The following ALKBH5 variants were observed in gnomAD, a reference collection of about 807,000 sequenced individuals.
ALKBH5 encodes alkB homolog 5, RNA demethylase, also known as RNA demethylase ALKBH5.
Under a neutral mutation model 32.1 loss-of-function variants are expected in ALKBH5, and 2 were observed. The observed-to-expected ratio is 0.06, with a 90% CI of 0.03 to 0.20. The LOEUF (loss-of-function observed/expected upper bound fraction) is 0.20. Among genes scored for constraint, ALKBH5 ranks in the 10% least tolerant of loss-of-function variants. The pLI is 1.00. For synonymous variants in ALKBH5, 300 were observed against 231.7 expected, an observed-to-expected ratio of 1.29 and a Z score of -2.68; for missense variants, 352 against 559.5, an observed-to-expected ratio of 0.63 and a Z score of 3.74.
intron 1 of ALKBH5, among the ~76,000 whole-genome samples, chr17:18,190,424 C>T (rs183271907): frequency 5.3e-5 from 8 of 152,038 alleles, no homozygotes; most frequent in African/African-American, 1.2e-4. Flanking sequence ...GTGGCAGGCA[C>T]CTGTAATCCC....
intron 2 of ALKBH5, among the ~76,000 whole-genome samples, chr17:18,201,810 T>TA (rs763578318): frequency 0.011 from 857 of 76,882 alleles, 1 homozygote; most frequent in Middle Eastern, 0.034. Flanking sequence ...GATAGATAGA[T>TA]AGATAGATAG....
At chr17:18,187,533 C>T (rs781380129) in intron 1 of ALKBH5, among the ~76,000 whole-genome samples, 32 of 152,164 alleles carry the variant, frequency 2.1e-4, no homozygotes, top group Non-Finnish European at 4.4e-4. Flanking sequence ...TTTATGACAA[C>T]CAGAAAGTGT....
chr17:18,208,500 TG>T lies in ALKBH5; in HGVS notation c.*105del. On this transcript the variant is annotated 3_prime_UTR_variant, in exon 4 of 4. Coordinates refer to ENST00000399138, the MANE Select transcript of ALKBH5 (RefSeq NM_017758.4). ...TGTTCATTGGGGGGTTTTTGTTTTTTGTTTTTTGTTTTTTTTGATTCTATAT... is the reference window on the plus strand; with the variant it reads ...TGTTCATTGGGGGGTTTTTGTTTTTTTTTTTTGTTTTTTTTGATTCTATAT... The T allele has an allele frequency of 1.5e-6, 2 of 1,315,588 alleles. No homozygotes were observed. The highest frequency in any genetic ancestry group is 2.1e-6 in the Non-Finnish European group (2 of 943,410). 81.5% of individuals were successfully genotyped at this position (1,315,588 alleles called of 1,614,324 possible).
chr17:18,185,110 A>C lies in ALKBH5; in HGVS notation c.770+97A>C, dbSNP rs1462588174. 19 of 1,516,392 alleles carry C rather than the reference A, an allele frequency of 1.3e-5. No individual in the cohort carries two copies. The East Asian group carries it at 4.3e-4, about 34-fold the overall frequency. 93.9% of individuals were successfully genotyped at this position (1,516,392 alleles called of 1,614,324 possible). On this transcript the variant is annotated intron_variant, in intron 1 of 3. Transcript: ENST00000399138. ...CAGCCCGTAGGAGTCTGCGTTTTTTACAGTTCTGACCAGTTCTTCTGTTTG... is the reference window on the plus strand; with the variant it reads ...CAGCCCGTAGGAGTCTGCGTTTTTTCCAGTTCTGACCAGTTCTTCTGTTTG...
intron 1 of ALKBH5, among the ~76,000 whole-genome samples, chr17:18,194,298 C>T (rs1448271262): frequency 7.2e-5 from 11 of 151,996 alleles, no homozygotes; most frequent in East Asian, 1.9e-4. Flanking sequence ...GGATTACAGG[C>T]GCCCACCACC....
At position 18,184,306 on chromosome 17, in the gene ALKBH5, C is replaced by A; in HGVS notation, c.63C>A (p.Asp21Glu). ...REKLKSMTSR[D>E]NYKAGSREAA... ...AGCTCAAGTCCATGACGTCCCGGGA[C>A]AACTATAAGGCGGGCAGCCGGGAGG... The change falls in exon 1 of 4, where the codon GAC (aspartate) becomes GAA (glutamate). Residue 21 changes from aspartate (D) to glutamate (E), a missense_variant. This residue lies in a region of ALKBH5 where 144 missense variants were observed against 125.8 expected (regional missense o/e 1.14). Transcript: ENST00000399138. 1 of 1,527,428 alleles carries A rather than the reference C, an allele frequency of 6.5e-7. No individual in the cohort carries two copies. The highest frequency in any genetic ancestry group is 8.8e-7 in the Non-Finnish European group (1 of 1,140,056). 94.6% of individuals were successfully genotyped at this position (1,527,428 alleles called of 1,614,324 possible).
chr17:18,204,786 G>A (rs888776324), intron 2 of ALKBH5, among the ~76,000 whole-genome samples: 8 of 151,746 alleles, frequency 5.3e-5, no homozygotes, highest in East Asian at 3.9e-4. Context: ...ATCTGGAGCC[G>A]GGCTTGATGG....
chr17:18,185,073 C>G lies in ALKBH5; in HGVS notation c.770+60C>G, dbSNP rs1308299120. ...CTGCTGCCTTAGCTACCCACCCTGG[C>G]CCAGAAAGCAGCAGCCCGTAGGAGT... is the stretch of plus-strand genomic sequence containing the variant. On this transcript the variant is annotated intron_variant, in intron 1 of 3. Coordinates refer to ENST00000399138, the MANE Select transcript of ALKBH5 (RefSeq NM_017758.4). 8 of 1,562,374 alleles carry G rather than the reference C, an allele frequency of 5.1e-6. No homozygotes were observed. In the African/African-American group the frequency reaches 8.1e-5, roughly 16 times the overall value.
chr17:18,188,924 G>A (rs143108960), intron 1 of ALKBH5, among the ~76,000 whole-genome samples: 110 of 152,100 alleles, frequency 7.2e-4, no homozygotes, highest in African/African-American at 2.3e-3. Flanking sequence ...AAAACTAGCC[G>A]GGCATGGTAG....
Position 18,184,042 on chromosome 17 carries a change from G to A in ALKBH5, c.-202G>A, listed in dbSNP as rs1597834371. The A allele has an allele frequency of 3.0e-6, 2 of 676,138 alleles. No homozygotes were observed. Among genetic ancestry groups the A allele is most frequent in the Non-Finnish European group, 5.4e-6 (2 of 373,168 alleles). 41.9% of individuals were successfully genotyped at this position (676,138 alleles called of 1,614,324 possible). A position where few individuals can be genotyped will look rare whatever the true frequency, so the allele number is the denominator to read the frequency against. On this transcript the variant is annotated 5_prime_UTR_variant, in exon 1 of 4. Transcript: ENST00000399138. ...TGGAGGAGGAAGAAGCCCCGTTGTC[G>A]CCACCGTTGCATGACCCGCCGCTCC...
intron 2 of ALKBH5, among the ~76,000 whole-genome samples, chr17:18,199,696 C>T (rs539296324): frequency 6.6e-6 from 1 of 152,242 alleles, no homozygotes; most frequent in East Asian, 1.9e-4. Context: ...AAATTTAGTG[C>T]CCCCTTGGTG....
Position 18,184,450 on chromosome 17 carries a change from C to A in ALKBH5, c.207C>A (p.Ser69Arg). The A allele has an allele frequency of 6.2e-7, 1 of 1,609,840 alleles. No homozygotes were observed. The highest frequency in any genetic ancestry group is 8.5e-7 in the Non-Finnish European group (1 of 1,178,442). Residue 69 changes from serine to arginine, a missense_variant, in exon 1 of 4, where the codon AGC becomes AGA. Ser to Arg is a moderately radical substitution (Grantham distance 110, BLOSUM62 -1). Coordinates refer to ENST00000399138, the MANE Select transcript of ALKBH5 (RefSeq NM_017758.4). ...AGGAGGACTCGGACCCCGAGCGCAG[C>A]GACTATGAGGAGCAGCAGCTGCAGA... ...KYQEDSDPER[S>R]DYEEQQLQKE...
At chr17:18,193,274 G>A (rs563825519) in intron 1 of ALKBH5, among the ~76,000 whole-genome samples, 24 of 152,056 alleles carry the variant, frequency 1.6e-4, no homozygotes, top group South Asian at 4.2e-4. Flanking sequence ...TGGGCCGGGC[G>A]CGGTGGCTCA....
intron 2 of ALKBH5, among the ~76,000 whole-genome samples, chr17:18,197,403 G>A (rs2047210606): frequency 6.6e-6 from 1 of 152,226 alleles, no homozygotes; most frequent in South Asian, 2.1e-4. Flanking sequence ...TTCTCAGGCT[G>A]TACCTGGTAC....
chr17:18,192,122 C>G (rs2047179347), intron 1 of ALKBH5, among the ~76,000 whole-genome samples: 2 of 152,184 alleles, frequency 1.3e-5, no homozygotes, highest in African/African-American at 4.8e-5. Context: ...GCGGCCCCCA[C>G]TACTGGCAGA....
rs2047294043 is a variant in ALKBH5 at position 18,209,791 on chromosome 17, C to T, written c.*1395C>T. ...AAGCCCCTCTCAGGGGCCAGAACTC[C>T]TTTGCCAGCGTGGATTTCTCAAGTC... is the stretch of plus-strand genomic sequence containing the variant. On this transcript the variant is annotated 3_prime_UTR_variant, in exon 4 of 4. Transcript: ENST00000399138. The T allele has an allele frequency of 6.6e-6, 1 of 152,660 alleles. No homozygotes were observed. Among genetic ancestry groups the T allele is most frequent in the Non-Finnish European group, 1.5e-5 (1 of 68,044 alleles). The allele number at this position is 152,660 out of a possible 1,614,324, so 9.5% of individuals were successfully genotyped here.
intron 1 of ALKBH5, among the ~76,000 whole-genome samples, chr17:18,194,162 T>TG (rs2047193253): frequency 3.0e-5 from 3 of 100,138 alleles, no homozygotes; most frequent in South Asian, 3.5e-4. Context: ...GGGCAGGGGG[T>TG]GGGGGTCAGT....
At chr17:18,201,842 A>AGAT (rs1473610049) in intron 2 of ALKBH5, among the ~76,000 whole-genome samples, 12 of 79,356 alleles carry the variant, frequency 1.5e-4, no homozygotes, top group Admixed American at 6.8e-4. Context: ...GATAGATGAT[A>AGAT]GATAGATTGA....
chr17:18,184,410 C>A lies in ALKBH5; in HGVS notation c.167C>A (p.Ala56Asp). 1 of 1,573,866 alleles carries A rather than the reference C, an allele frequency of 6.4e-7. No homozygotes were observed. The highest frequency in any genetic ancestry group is 8.6e-7 in the Non-Finnish European group (1 of 1,160,616). The stretch of plus-strand genomic sequence containing the variant: ...GCCGAACCTTACCCTGTGTCCGGGG[C>A]CAAGCGCAAGTATCAGGAGGACTCG... The part of the protein sequence containing the change: ...AAAEPYPVSG[A>D]KRKYQEDSDP... The change falls in exon 1 of 4, where the codon GCC becomes GAC. Residue 56 changes from alanine to aspartate, a missense_variant. By Grantham distance (126) the Ala-to-Asp change is moderately radical. Transcript: ENST00000399138.
Sources: gnomAD v4.1 joint callset for allele counts (sites outside exome capture counted in the v4.1 genomes callset) on GRCh38, gnomAD v4.1.1 for gene constraint, gnomAD v4.1.1 regional missense constraint, MANE v1.5 for transcripts, NCBI Gene and HGNC (gene_info 2026-07-23, HGNC 2026-07-21) for gene names.